PDE6A: variants seen among roughly 807,000 people sequenced by gnomAD.
PDE6A encodes phosphodiesterase 6A, also known as rod cGMP-specific 3',5'-cyclic phosphodiesterase subunit alpha.
A neutral mutation model predicts 106.3 loss-of-function variants in PDE6A; 84 were observed. The observed-to-expected ratio is 0.79, with a 90% CI of 0.66 to 0.95. The LOEUF (loss-of-function observed/expected upper bound fraction) is 0.95, where lower values mean the gene tolerates loss of function less well. Ranked by LOEUF, PDE6A falls within the 40% of genes least tolerant of loss-of-function variation. PDE6A has a pLI of 0.00. For synonymous variants in PDE6A, 394 were observed against 386.6 expected (o/e 1.02, Z -0.23); for missense variants, 1,052 against 1,084.9 (o/e 0.97, Z 0.43).
chr5:149,896,416 T>C lies in PDE6A; in HGVS notation c.1560A>G (p.Lys520=), dbSNP rs772351110. 29 of 1,614,162 alleles carry C rather than the reference T, an allele frequency of 1.8e-5. No individual in the cohort carries two copies. Among genetic ancestry groups the C allele is most frequent in the Non-Finnish European group, 2.5e-5 (29 of 1,179,974 alleles). Residue 520 remains lysine, a synonymous_variant, in exon 12 of 22, where the codon AAA becomes AAG. Coordinates refer to ENST00000255266, the MANE Select transcript of PDE6A (RefSeq NM_000440.3). Reference sequence around the variant, plus strand: ...GCTCATAATACATCTGTATTCCACATTTTACCAGCTCCAGTTCTGTTAGGG... The same window carrying C: ...GCTCATAATACATCTGTATTCCACACTTTACCAGCTCCAGTTCTGTTAGGG... The part of the protein sequence containing the change: ...DLPLTELELV[K]CGIQMYYELK...
At chr5:149,940,985 C>T (rs1754312809) in intron 1 of PDE6A, among the ~76,000 whole-genome samples, 1 of 152,150 alleles carries the variant, frequency 6.6e-6, no homozygotes, top group African/African-American at 2.4e-5. Context: ...AAAATGAGCA[C>T]AAAATCACAC....
At chr5:149,904,796 T>C in intron 7 of PDE6A, among the ~76,000 whole-genome samples, 1 of 152,154 alleles carries the variant, frequency 6.6e-6, no homozygotes, top group East Asian at 1.9e-4. Context: ...ATCTCAGAGT[T>C]CTTGGAGCCC....
At chr5:149,900,375 G>GTGTATA (rs371287292) in intron 8 of PDE6A, among the ~76,000 whole-genome samples, 2,373 of 82,700 alleles carry the variant, frequency 0.029, 140 homozygotes, top group African/African-American at 0.085. Context: ...AAATATATAT[G>GTGTATA]TATATATATA....
At chr5:149,885,588 G>A (rs1408019162) in intron 14 of PDE6A, among the ~76,000 whole-genome samples, 1 of 152,220 alleles carries the variant, frequency 6.6e-6, no homozygotes, top group Non-Finnish European at 1.5e-5. Context: ...GTAAATACGA[G>A]ATGAGTGAAT....
At chr5:149,867,232 C>T in intron 19 of PDE6A, 1 of 214,184 alleles carries the variant, frequency 4.7e-6, no homozygotes, top group Non-Finnish European at 9.5e-6. Flanking sequence ...CCGATCTCCC[C>T]AACTGCGCAT....
chr5:149,921,785 T>C (rs1428743968), intron 4 of PDE6A, 76 bp from the exon 5 acceptor site: 2 of 1,128,200 alleles, frequency 1.8e-6, no homozygotes, highest in Non-Finnish European at 1.3e-6. Flanking sequence ...CCCACCTCCA[T>C]GAGTCAGCTA....
chr5:149,916,418 TATGTC>T (rs1434439763), intron 5 of PDE6A, among the ~76,000 whole-genome samples: 1 of 152,178 alleles, frequency 6.6e-6, no homozygotes, highest in Non-Finnish European at 1.5e-5. Context: ...GGTGCATCTC[TATGTC>T]ATGGCCCCAT....
At chr5:149,894,630 T>A (rs1238764171) in intron 13 of PDE6A, among the ~76,000 whole-genome samples, 1 of 23,428 alleles carries the variant, frequency 4.3e-5, no homozygotes, top group East Asian at 5.2e-4. Context: ...AACTGTTGAA[T>A]TTTTTTTTTT....
At chr5:149,872,895 G>C (rs922391934) in intron 17 of PDE6A, among the ~76,000 whole-genome samples, 1 of 152,188 alleles carries the variant, frequency 6.6e-6, no homozygotes, top group African/African-American at 2.4e-5. Context: ...GACAGTAAAT[G>C]TTTGACGTTT....
chr5:149,896,486 T>C lies in PDE6A; in HGVS notation c.1490A>G (p.Asp497Gly). Residue 497 changes from aspartate (D) to glycine (G), a missense_variant, in exon 12 of 22, where the codon GAT becomes GGT. Physicochemically the swap from Asp to Gly is moderately conservative, Grantham distance 94. Around this residue, in one of 3 missense-constraint regions of PDE6A, gnomAD observed 913 missense variants for 915.2 expected, o/e 1.00. Transcript: ENST00000255266. ...TTTATTAATTTCGTATTTATCTGCA[T>C]CTGGCAGCTCCGCTTGCTGTATAAG... ...LAEILQAELP[D>G]ADKYEINKFH... 1.2e-6 allele frequency: 2 copies of C among 1,614,194 alleles called. No homozygotes were observed. The highest frequency in any genetic ancestry group is 1.7e-6 in the Non-Finnish European group (2 of 1,180,036).
chr5:149,901,251 G>A (rs558398394), intron 8 of PDE6A, among the ~76,000 whole-genome samples: 1 of 152,272 alleles, frequency 6.6e-6, no homozygotes, highest in African/African-American at 2.4e-5. Context: ...TTCAGGGGCT[G>A]GGCGCAGTGG....
At chr5:149,932,001 T>C in intron 3 of PDE6A, 1 of 1,481,774 alleles carries the variant, frequency 6.7e-7, no homozygotes, top group Non-Finnish European at 9.4e-7. Context: ...TGAGAGCTGA[T>C]GTTACCTCTA....
At chr5:149,880,262 T>G (rs1184868087) in intron 17 of PDE6A, among the ~76,000 whole-genome samples, 1 of 152,202 alleles carries the variant, frequency 6.6e-6, no homozygotes, top group African/African-American at 2.4e-5. Context: ...GGAATCACCC[T>G]TAAATGAATA....
At chr5:149,906,616 T>C (rs972512880) in intron 7 of PDE6A, among the ~76,000 whole-genome samples, 1 of 151,094 alleles carries the variant, frequency 6.6e-6, no homozygotes, top group Admixed American at 6.6e-5. Flanking sequence ...TGTTTTGCTG[T>C]CTTCCTGTCT....
chr5:149,907,472 G>A lies in PDE6A; in HGVS notation c.999-94C>T. ...GTGTTTGCGCTCCCCCTGCTCTCAG[G>A]TGGCTCTCAGCACCTGCTTACATTC... On this transcript the variant is annotated intron_variant, in intron 6 of 21. Coordinates refer to ENST00000255266, the MANE Select transcript of PDE6A (RefSeq NM_000440.3). 21 of 974,408 alleles carry A rather than the reference G, an allele frequency of 2.2e-5. No homozygotes were observed. The South Asian group carries it at 2.3e-4, about 11-fold the overall frequency. 60.4% of individuals were successfully genotyped at this position (974,408 alleles called of 1,614,324 possible). A position where few individuals can be genotyped will look rare whatever the true frequency, so the allele number is the denominator to read the frequency against.
At chr5:149,936,811 A>G (rs546286043) in intron 1 of PDE6A, among the ~76,000 whole-genome samples, 2 of 152,334 alleles carry the variant, frequency 1.3e-5, no homozygotes, top group South Asian at 4.1e-4. Flanking sequence ...ACCAACTTAT[A>G]TTTATTTTAA....
At chr5:149,877,608 C>A (rs1209104476) in intron 17 of PDE6A, among the ~76,000 whole-genome samples, 1 of 152,110 alleles carries the variant, frequency 6.6e-6, no homozygotes, top group African/African-American at 2.4e-5. Context: ...TGGAGACTCC[C>A]CATGTCGGCC....
chr5:149,933,157 TA>T (rs1561784464), intron 3 of PDE6A, among the ~76,000 whole-genome samples: 1 of 149,208 alleles, frequency 6.7e-6, no homozygotes, highest in Non-Finnish European at 1.5e-5. Flanking sequence ...TGCACACAGA[TA>T]ATCTTTAAAT....
intron 1 of PDE6A, among the ~76,000 whole-genome samples, chr5:149,941,458 CT>C (rs370716696): frequency 7.9e-4 from 120 of 152,294 alleles, no homozygotes; most frequent in African/African-American, 2.9e-3. Context: ...TCAAAGAAGT[CT>C]TTGTCAGAAC....
Sources: allele counts gnomAD v4.1 joint callset (sites outside exome capture counted in the v4.1 genomes callset), GRCh38; gene constraint gnomAD v4.1.1; regional missense constraint gnomAD v4.1.1; transcripts MANE v1.5; gene names NCBI Gene and HGNC (gene_info 2026-07-23, HGNC 2026-07-21).